STAT5B: variants seen among roughly 807,000 people sequenced by gnomAD.
STAT5B encodes the protein signal transducer and activator of transcription 5B.
Under a neutral mutation model 107.8 loss-of-function variants are expected in STAT5B, and 21 were observed. The observed-to-expected ratio is 0.19, with a 90% CI of 0.14 to 0.28. The LOEUF is 0.28. Ranked by LOEUF, STAT5B falls within the 10% of genes least tolerant of loss-of-function variation. The pLI is 1.00. For missense variants in STAT5B, 565 were observed against 1,008.2 expected (o/e 0.56, Z 5.95); for synonymous variants, 325 against 401.7 (o/e 0.81, Z 2.28).
chr17:42,233,126 T>C (rs563472443), intron 1 of STAT5B, among the ~76,000 whole-genome samples: 1 of 152,284 alleles, frequency 6.6e-6, no homozygotes, highest in East Asian at 1.9e-4. Context: ...TGTGAGCCAC[T>C]GCGCCCAGCT....
chr17:42,270,685 C>T (rs1289088409), intron 1 of STAT5B: 1 of 152,108 alleles, frequency 6.6e-6, no homozygotes, highest in Non-Finnish European at 1.5e-5. Flanking sequence ...CAAAGAAATA[C>T]AAGCCTCAAA....
At chr17:42,235,705 T>C (rs573214353) in intron 1 of STAT5B, among the ~76,000 whole-genome samples, 4 of 152,326 alleles carry the variant, frequency 2.6e-5, no homozygotes, top group South Asian at 4.1e-4. Flanking sequence ...CTTGGTCTCC[T>C]GACCTCGTGA....
intron 5 of STAT5B, among the ~76,000 whole-genome samples, chr17:42,221,253 A>T (rs1271461129): frequency 6.2e-4 from 93 of 151,204 alleles, no homozygotes; most frequent in Middle Eastern, 3.4e-3. Context: ...CTACCTCAGG[A>T]ATCCTGCCCA....
upstream of STAT5B, chr17:42,276,484 C>T (rs1444308546): frequency 6.7e-6 from 1 of 149,744 alleles, no homozygotes; most frequent in Non-Finnish European, 1.5e-5. The surrounding 1 kb of genome is among the most constrained non-coding windows in gnomAD (Gnocchi z 4.8). Flanking sequence ...GAGCGCGCCC[C>T]GCTTCCTGGT....
intron 12 of STAT5B, among the ~76,000 whole-genome samples, chr17:42,213,213 TA>T (rs953580132): frequency 8.5e-5 from 13 of 152,104 alleles, no homozygotes; most frequent in South Asian, 2.1e-4. Context: ...TTTCCACAAT[TA>T]TTTTTTTTTT....
chr17:42,219,101 C>G (rs373055789), intron 7 of STAT5B, among the ~76,000 whole-genome samples: 66 of 152,328 alleles, frequency 4.3e-4, no homozygotes, highest in African/African-American at 1.5e-3. Context: ...CACACCCGAA[C>G]CCTGTCCCAT....
intron 1 of STAT5B, chr17:42,268,629 T>TC (rs925883793): frequency 5.3e-5 from 8 of 152,246 alleles, no homozygotes; most frequent in African/African-American, 1.9e-4. Flanking sequence ...TACATAGCTT[T>TC]CCCTCACTTT....
At chr17:42,271,863 C>T (rs2080724480) in intron 1 of STAT5B, 1 of 152,094 alleles carries the variant, frequency 6.6e-6, no homozygotes. Context: ...CAAGATACTC[C>T]AAGTATTAAC....
rs754634807 is a variant in STAT5B, at chr17:42,211,974, G to A, written c.1680+10C>T. ...CTGATCTAACAGCGGCTGGCAGCTG[G>A]GCTCCTCACCCTGTTGAACTGGGAC... On this transcript the variant is annotated intron_variant, in intron 13 of 18. Transcript: ENST00000293328. 6.2e-7 allele frequency: 1 copy of A among 1,606,532 alleles called. No homozygotes were observed. The highest frequency in any genetic ancestry group is 8.5e-7 in the Non-Finnish European group (1 of 1,176,610).
At chr17:42,217,742 G>A (rs2080185026) in intron 9 of STAT5B, 2 of 479,724 alleles carry the variant, frequency 4.2e-6, no homozygotes, top group Non-Finnish European at 7.5e-6. Context: ...AGGCTGGAGT[G>A]CAGTGGCGTG....
intron 1 of STAT5B, among the ~76,000 whole-genome samples, chr17:42,265,465 G>T (rs2080662365): frequency 6.7e-6 from 1 of 149,114 alleles, no homozygotes; most frequent in Non-Finnish European, 1.5e-5. Flanking sequence ...CTGACTCCCT[G>T]CCTCAGCCTC....
chr17:42,219,812 G>A lies in STAT5B; in HGVS notation c.581C>T (p.Pro194Leu). Residue 194 changes from proline to leucine, a missense_variant, in exon 6 of 19, where the codon CCC (proline) becomes CTC (leucine). Coordinates refer to ENST00000293328, the MANE Select transcript of STAT5B (RefSeq NM_012448.4). Reference protein sequence around the residue: ...AQFGPLAQLSPQERLSRETAL... With the variant: ...AQFGPLAQLSLQERLSRETAL... The stretch of plus-strand genomic sequence containing the variant: ...CGTCTCCCGGCTCAGACGCTCCTGG[G>A]GGCTCAGCTGGGCCAGCGGGCCAAA... 2 of 1,614,104 alleles carry A rather than the reference G, an allele frequency of 1.2e-6. No individual in the cohort carries two copies. Among genetic ancestry groups the A allele is most frequent in the Non-Finnish European group, 1.7e-6 (2 of 1,180,010 alleles).
intron 1 of STAT5B, among the ~76,000 whole-genome samples, chr17:42,237,800 C>T (rs1261457172): frequency 6.6e-6 from 1 of 152,128 alleles, no homozygotes; most frequent in South Asian, 2.1e-4. Flanking sequence ...TGTTAAGCCT[C>T]TCTGTGCCTC....
rs914229453 is a variant in STAT5B at position 42,200,553 on chromosome 17, A to G, written c.*1185T>C. On this transcript the variant is annotated 3_prime_UTR_variant, in exon 19 of 19. Transcript: ENST00000293328. ...CCAACACCTGCCAGGACTTCACAGC[A>G]GGGTGACCCGCTAAGCAAGCTGGCC... 1.0e-4 allele frequency: 16 copies of G among 152,984 alleles called. No individual in the cohort carries two copies. Among genetic ancestry groups the G allele is most frequent in the African/African-American group, 2.9e-4 (12 of 41,464 alleles). 9.5% of individuals were successfully genotyped at this position (152,984 alleles called of 1,614,324 possible).
intron 16 of STAT5B, among the ~76,000 whole-genome samples, chr17:42,205,895 T>TCAAA (rs535102953): frequency 6.6e-6 from 1 of 152,010 alleles, no homozygotes; most frequent in Non-Finnish European, 1.5e-5. Flanking sequence ...AGACCCCATC[T>TCAAA]CAAACAAACA....
At chr17:42,226,369 C>T (rs975763672) in intron 3 of STAT5B, among the ~76,000 whole-genome samples, 8 of 152,108 alleles carry the variant, frequency 5.3e-5, no homozygotes, top group East Asian at 1.9e-4. Context: ...TGGACTGCAG[C>T]GGGGAAAAAT....
upstream of STAT5B, among the ~76,000 whole-genome samples, chr17:42,278,720 C>T (rs899470633): frequency 2.0e-5 from 3 of 152,146 alleles, no homozygotes; most frequent in Admixed American, 6.5e-5. Context: ...GTGGCTCACG[C>T]CTGTAGTCCC....
chr17:42,263,888 C>A (rs1241526447), intron 1 of STAT5B, among the ~76,000 whole-genome samples: 1 of 151,580 alleles, frequency 6.6e-6, no homozygotes, highest in African/African-American at 2.4e-5. Context: ...CACACACACA[C>A]ACACACACAC....
chr17:42,287,693 G>A, the STAT5B span: 1 of 152,292 alleles, frequency 6.6e-6, no homozygotes, highest in Non-Finnish European at 1.5e-5. Context: ...GCTAGTTTAT[G>A]GATCACAGTC....
Sources: allele counts gnomAD v4.1 joint callset (sites outside exome capture counted in the v4.1 genomes callset), GRCh38; gene constraint gnomAD v4.1.1; non-coding constraint Gnocchi (gnomAD v3.1); transcripts MANE v1.5; gene names NCBI Gene and HGNC (gene_info 2026-07-23, HGNC 2026-07-21).